MCF2L: variants seen among roughly 807,000 people sequenced by gnomAD.
The protein encoded by MCF2L is guanine nucleotide exchange factor DBS.
A neutral mutation model predicts 153.4 loss-of-function variants in MCF2L; 97 were observed. The ratio of observed to expected loss-of-function variants is 0.63; its 90% CI spans 0.54 to 0.75. The LOEUF is 0.75. MCF2L is among the 30% of genes least tolerant of loss of function. The pLI, the probability that MCF2L is intolerant of heterozygous loss-of-function variation, is 0.00. For missense variants in MCF2L, 1,347 were observed against 1,495.2 expected (o/e 0.90, Z 1.64); for synonymous variants, 659 against 632.2 (o/e 1.04, Z -0.64).
intron 27 of MCF2L, 30 bp downstream of exon 27, chr13:113,094,665 G>A: frequency 1.3e-6 from 2 of 1,598,270 alleles, no homozygotes; most frequent in Non-Finnish European, 1.7e-6. Flanking sequence ...GGGCACTTGG[G>A]GTGGGGGCTG....
chr13:113,039,200 C>G (rs1411637054), intron 3 of MCF2L, among the ~76,000 whole-genome samples: 1 of 152,168 alleles, frequency 6.6e-6, no homozygotes, highest in Admixed American at 6.5e-5. Flanking sequence ...TACTGTAGCA[C>G]AGAGGGGGAT....
At chr13:112,912,798 CTCTG>C (rs1451731505) in intron 2 of MCF2L, among the ~76,000 whole-genome samples, 1 of 148,214 alleles carries the variant, frequency 6.7e-6, no homozygotes, top group East Asian at 1.9e-4. Flanking sequence ...TGTGGTGTAT[CTCTG>C]TGTGTGTATG....
chr13:113,036,489 G>A (rs1283040271), intron 3 of MCF2L, among the ~76,000 whole-genome samples: 1 of 152,076 alleles, frequency 6.6e-6, no homozygotes, highest in Non-Finnish European at 1.5e-5. Context: ...ACAGGCAACT[G>A]GGCACAGAGA....
chr13:113,096,013 A>G (rs903210929), intron 27 of MCF2L: 5 of 385,342 alleles, frequency 1.3e-5, no homozygotes, highest in Non-Finnish European at 2.3e-5. Context: ...GGGGAGTACC[A>G]AGGAAGGCCT....
chr13:112,968,379 G>A, upstream of MCF2L: 1 of 1,500,372 alleles, frequency 6.7e-7, no homozygotes, highest in Non-Finnish European at 8.9e-7. Flanking sequence ...TGGCGGCCAT[G>A]GCCCTGCATA....
At chr13:112,906,085 T>C (rs989162085) in intron 2 of MCF2L, among the ~76,000 whole-genome samples, 2 of 152,192 alleles carry the variant, frequency 1.3e-5, no homozygotes, top group Admixed American at 6.5e-5. Context: ...TGGGTAAACA[T>C]TGATGAGCTT....
intron 4 of MCF2L, among the ~76,000 whole-genome samples, chr13:113,050,024 C>A (rs2087107167): frequency 6.9e-6 from 1 of 144,184 alleles, no homozygotes; most frequent in Non-Finnish European, 1.5e-5. Flanking sequence ...ACCCAGGGGG[C>A]AGAAAGATGA....
At chr13:112,972,523 G>C (rs2082077671) in intron 1 of MCF2L, among the ~76,000 whole-genome samples, 2 of 142,952 alleles carry the variant, frequency 1.4e-5, no homozygotes, top group African/African-American at 5.2e-5. Flanking sequence ...TGAGTGGATG[G>C]ATGGATGTGT....
chr13:112,920,011 G>C (rs1180335793), intron 2 of MCF2L, among the ~76,000 whole-genome samples: 1 of 152,134 alleles, frequency 6.6e-6, no homozygotes, highest in Non-Finnish European at 1.5e-5. Flanking sequence ...GTGTTTTCCT[G>C]CATTTGGAGT....
At chr13:112,937,585 G>C (rs966933168) in intron 2 of MCF2L, among the ~76,000 whole-genome samples, 1 of 152,192 alleles carries the variant, frequency 6.6e-6, no homozygotes, top group African/African-American at 2.4e-5. Flanking sequence ...AACTCAGGGA[G>C]GGTTTGGGTT....
At chr13:112,934,448 C>T (rs1355769453) in intron 2 of MCF2L, among the ~76,000 whole-genome samples, 1 of 152,214 alleles carries the variant, frequency 6.6e-6, no homozygotes, top group Non-Finnish European at 1.5e-5. Flanking sequence ...TGCACTGTGC[C>T]TCAGGACCCT....
intron 3 of MCF2L, among the ~76,000 whole-genome samples, chr13:113,030,373 GT>G (rs1400975322): frequency 4.0e-5 from 6 of 148,570 alleles, no homozygotes; most frequent in Non-Finnish European, 7.4e-5. Context: ...GCTGACGCAG[GT>G]GTGGGCCCTC....
Position 112,988,445 on chromosome 13 carries a change from C to T in MCF2L, c.79+18987C>T, listed in dbSNP as rs139299100. The stretch of plus-strand genomic sequence containing the variant: ...TGCCTGTGGGTGCACGGGTGTGGTG[C>T]GTTTTAATTCTCGGCAGCTCTGTGC... On this transcript the variant is annotated intron_variant, in intron 1 of 29. Coordinates refer to ENST00000535094, the MANE Select transcript of MCF2L (RefSeq NM_001112732.3). 8.1e-4 allele frequency among the ~76,000 whole-genome samples: 123 copies of T among 152,296 alleles called. 1 individual carries two copies. Among genetic ancestry groups the T allele is most frequent in the East Asian group, 4.4e-3 (23 of 5,182 alleles).
intron 25 of MCF2L, among the ~76,000 whole-genome samples, chr13:113,088,973 A>G (rs2034917002): frequency 6.6e-6 from 1 of 152,226 alleles, no homozygotes; most frequent in Non-Finnish European, 1.5e-5. Context: ...ACACGTGGGC[A>G]CGTTTCAGAC....
rs2086752863 is a variant in MCF2L at position 113,045,460 on chromosome 13, T to C, written c.369+99T>C. On this transcript the variant is annotated intron_variant, in intron 4 of 29. Transcript: ENST00000535094. This position sits in a 1 kb window ranked among gnomAD's most constrained non-coding sequence, Gnocchi z 4.2. ...TGTGTCTGCCGCAGTTCCTGCTTTG[T>C]GCTGAGTGGGACAGAGCCCAGTCCC... 9.1e-7 allele frequency: 1 copy of C among 1,096,818 alleles called. No homozygotes were observed. Among genetic ancestry groups the C allele is most frequent in the Non-Finnish European group, 1.4e-6 (1 of 730,394 alleles). 67.9% of individuals were successfully genotyped at this position (1,096,818 alleles called of 1,614,324 possible). A position where few individuals can be genotyped will look rare whatever the true frequency, so the allele number is the denominator to read the frequency against.
At position 112,904,856 on chromosome 13, in the gene MCF2L, A is replaced by G. The variant is rs967363590; in HGVS notation, c.169+2485A>G. ...TGTCCTAGCCCAGCTGGCTGGAGAC[A>G]GTTGGTGGTGATGAAACCTGTTTGT... is the stretch of plus-strand genomic sequence containing the variant. On this transcript the variant is annotated intron_variant, in intron 2 of 29. Coordinates refer to the MCF2L transcript ENST00000375608. The surrounding 1 kb of genome is among the most constrained non-coding windows in gnomAD (Gnocchi z 4.2). Among the ~76,000 whole-genome samples the G allele has an allele frequency of 6.6e-6, 1 of 152,258 alleles. No homozygotes were observed. Among genetic ancestry groups the G allele is most frequent in the Non-Finnish European group, 1.5e-5 (1 of 68,038 alleles).
chr13:112,985,353 G>A (rs770856954), intron 1 of MCF2L: 11 of 468,622 alleles, frequency 2.3e-5, no homozygotes, highest in Admixed American at 1.4e-4. Flanking sequence ...CCAGGGCAGC[G>A]CGCGTCCTCC....
chr13:113,076,807 C>T (rs2141940484), intron 12 of MCF2L, among the ~76,000 whole-genome samples: 1 of 152,372 alleles, frequency 6.6e-6, no homozygotes, highest in East Asian at 1.9e-4. Context: ...GGGAAGGCTG[C>T]AGGCCCCTCC....
At chr13:112,935,404 C>T (rs764525213) in intron 2 of MCF2L, among the ~76,000 whole-genome samples, 2 of 152,094 alleles carry the variant, frequency 1.3e-5, no homozygotes, top group Non-Finnish European at 2.9e-5. Flanking sequence ...ATTACAGGCA[C>T]GTGTCACCAT....
Sources: gnomAD v4.1 joint callset for allele counts (sites outside exome capture counted in the v4.1 genomes callset) on GRCh38, gnomAD v4.1.1 for gene constraint, Gnocchi (gnomAD v3.1) non-coding constraint, MANE v1.5 for transcripts, NCBI Gene and HGNC (gene_info 2026-07-23, HGNC 2026-07-21) for gene names.